Variants in SOX5 observed in about 807,000 individuals in gnomAD.
The protein encoded by SOX5 is SRY-box transcription factor 5, also known as transcription factor SOX-5.
A neutral mutation model predicts 92.0 loss-of-function variants in SOX5; 9 were observed. The ratio of observed to expected loss-of-function variants is 0.10; its 90% CI spans 0.06 to 0.17. The LOEUF (loss-of-function observed/expected upper bound fraction) is 0.17. SOX5 is among the 10% of genes least tolerant of loss of function. The pLI, the probability that SOX5 is intolerant of heterozygous loss-of-function variation, is 1.00. For synonymous variants in SOX5, 344 were observed against 336.3 expected (o/e 1.02, Z -0.25); for missense variants, 642 against 944.5 (o/e 0.68, Z 4.20).
chr12:23,674,961 A>C (rs1270877032), intron 6 of SOX5, among the ~76,000 whole-genome samples: 2 of 152,134 alleles, frequency 1.3e-5, no homozygotes, highest in Non-Finnish European at 2.9e-5. Context: ...TTCTTAATAC[A>C]CCCTATCCTG....
intron 1 of SOX5, among the ~76,000 whole-genome samples, chr12:24,515,837 C>T (rs1020792098): frequency 5.3e-5 from 8 of 152,084 alleles, no homozygotes; most frequent in African/African-American, 9.7e-5. Flanking sequence ...CAATTACAAG[C>T]GAGTTGTTTT....
chr12:23,914,209 G>A (rs917021440), intron 1 of SOX5, among the ~76,000 whole-genome samples: 3 of 152,048 alleles, frequency 2.0e-5, no homozygotes, highest in Non-Finnish European at 4.4e-5. Flanking sequence ...ACATTACAGA[G>A]GGTAAGTAAA....
rs1163938652 is a variant in SOX5, at chr12:23,578,117, C to CA, written c.1165-2280dup. ...CCTGCGCAACAGAGTGAGACTGTGT[C>CA]AAAAAAAAAAAAAAAAAAAAAAAAA... On this transcript the variant is annotated intron_variant, in intron 9 of 14. Coordinates refer to ENST00000451604, the MANE Select transcript of SOX5 (RefSeq NM_006940.6). Among the ~76,000 whole-genome samples, 59 of 34,890 alleles carry CA rather than the reference C, an allele frequency of 1.7e-3. 9 individuals carry two copies. Among genetic ancestry groups the CA allele is most frequent in the African/African-American group, 5.7e-3 (44 of 7,674 alleles). The allele number at this position is 34,890 out of a possible 152,430, so 22.9% of individuals were successfully genotyped here.
intron 8 of SOX5, among the ~76,000 whole-genome samples, chr12:23,611,188 C>T (rs937325498): frequency 1.3e-5 from 2 of 152,080 alleles, no homozygotes; most frequent in East Asian, 1.9e-4. Flanking sequence ...CTATTCTACT[C>T]TCTCCTTCCA....
At chr12:24,242,607 T>C (rs1286285143) in intron 3 of SOX5, among the ~76,000 whole-genome samples, 1 of 149,876 alleles carries the variant, frequency 6.7e-6, no homozygotes, top group Non-Finnish European at 1.5e-5. Flanking sequence ...GTATAGTCAC[T>C]AATAATCAAA....
intron 1 of SOX5, among the ~76,000 whole-genome samples, chr12:24,378,253 G>A (rs571361713): frequency 3.3e-5 from 5 of 152,198 alleles, no homozygotes; most frequent in South Asian, 2.1e-4. Flanking sequence ...ATTAATAACC[G>A]GGGTCTAAAA....
chr12:24,381,523 C>T (rs1392042117), intron 1 of SOX5, among the ~76,000 whole-genome samples: 1 of 152,150 alleles, frequency 6.6e-6, no homozygotes, highest in Non-Finnish European at 1.5e-5. Context: ...GTCACGTATT[C>T]CCACCTTATA....
intron 2 of SOX5, among the ~76,000 whole-genome samples, chr12:24,361,573 CAA>C (rs3983415): frequency 0.12 from 18,125 of 151,882 alleles, 1,227 homozygotes; most frequent in Middle Eastern, 0.16. Context: ...TGCACTGAAA[CAA>C]ACAGTGAACC....
chr12:23,709,606 T>A (rs2091832707), intron 6 of SOX5, among the ~76,000 whole-genome samples: 1 of 152,178 alleles, frequency 6.6e-6, no homozygotes. Flanking sequence ...ATATAGAAAG[T>A]ACAGGGATTA....
At chr12:24,181,344 C>T (rs1955478047) in intron 4 of SOX5, among the ~76,000 whole-genome samples, 1 of 152,194 alleles carries the variant, frequency 6.6e-6, no homozygotes, top group Non-Finnish European at 1.5e-5. Context: ...GCTCAATATT[C>T]TGTCAACCAA....
chr12:23,623,000 T>C (rs1476741349), intron 8 of SOX5, among the ~76,000 whole-genome samples: 3 of 152,128 alleles, frequency 2.0e-5, no homozygotes, highest in African/African-American at 7.2e-5. Flanking sequence ...AAATGCATAC[T>C]TTGGATTCAA....
intron 1 of SOX5, among the ~76,000 whole-genome samples, chr12:23,905,864 T>G (rs1265593604): frequency 6.6e-6 from 1 of 152,172 alleles, no homozygotes; most frequent in Non-Finnish European, 1.5e-5. Flanking sequence ...AAATTCTGCC[T>G]AACTTTACCT....
rs577035901 is a variant in SOX5, at chr12:24,003,099, A to C, written c.-1-107075T>G. Among the ~76,000 whole-genome samples, 5 of 152,218 alleles carry C rather than the reference A, an allele frequency of 3.3e-5. No individual in the cohort carries two copies. In the South Asian group the frequency reaches 1.0e-3, roughly 32 times the overall value. On this transcript the variant is annotated intron_variant, in intron 4 of 4. Transcript: ENST00000446891. ...TGAAGGCAGAAAAATTTTTGACTAAACCCAACACCTATTCATGGTAGAAAT... is the reference window on the plus strand; with the variant it reads ...TGAAGGCAGAAAAATTTTTGACTAACCCCAACACCTATTCATGGTAGAAAT...
rs140833448 is a variant in SOX5, at chr12:24,510,521, C to A, written c.-251+51808G>T. Among the ~76,000 whole-genome samples the A allele has an allele frequency of 1.2e-3, 181 of 152,148 alleles. 2 individuals carry two copies. Among genetic ancestry groups the A allele is most frequent in the African/African-American group, 4.2e-3 (176 of 41,508 alleles). On this transcript the variant is annotated intron_variant, in intron 1 of 4. Transcript: ENST00000446891. Reference sequence around the variant, plus strand: ...CATTATACAGGCAAGAAGAGAATAACCAGACAGGAAGTAAAGACCAGGTAG... The same window carrying A: ...CATTATACAGGCAAGAAGAGAATAAACAGACAGGAAGTAAAGACCAGGTAG...
At chr12:23,805,666 C>T (rs971359582) in intron 3 of SOX5, among the ~76,000 whole-genome samples, 3 of 152,066 alleles carry the variant, frequency 2.0e-5, no homozygotes, top group Non-Finnish European at 2.9e-5. Flanking sequence ...TATATATGGC[C>T]AAACACAATA....
intron 4 of SOX5, among the ~76,000 whole-genome samples, chr12:24,020,470 A>C (rs1954153132): frequency 6.6e-6 from 1 of 152,162 alleles, no homozygotes. Context: ...AAGTAATCTC[A>C]TTCTGCCTGT....
intron 6 of SOX5, among the ~76,000 whole-genome samples, chr12:23,676,554 G>A (rs890198156): frequency 1.6e-5 from 2 of 127,646 alleles, no homozygotes; most frequent in Non-Finnish European, 3.3e-5. Flanking sequence ...CTGTTGCAAC[G>A]AATAAGGCAA....
At chr12:24,312,638 G>A (rs1422337529) in intron 2 of SOX5, among the ~76,000 whole-genome samples, 1 of 152,108 alleles carries the variant, frequency 6.6e-6, no homozygotes, top group Non-Finnish European at 1.5e-5. Context: ...TCTACAATTA[G>A]CAGGTCATAA....
At chr12:24,268,939 AAC>A (rs974646696) in intron 3 of SOX5, among the ~76,000 whole-genome samples, 1 of 152,178 alleles carries the variant, frequency 6.6e-6, no homozygotes, top group Non-Finnish European at 1.5e-5. Context: ...ATTAAAATGT[AAC>A]AGTGTGCTAT....
Sources: gnomAD v4.1 joint callset for allele counts (sites outside exome capture counted in the v4.1 genomes callset) on GRCh38, gnomAD v4.1.1 for gene constraint, MANE v1.5 for transcripts, NCBI Gene and HGNC (gene_info 2026-07-23, HGNC 2026-07-21) for gene names.